The following ASTN2 variants were observed in gnomAD, a reference collection of about 807,000 sequenced individuals.
ASTN2 encodes the protein astrotactin 2, also known as astrotactin-2.
In ASTN2, 54 loss-of-function variants were observed where a neutral mutation model predicts 139.8. The observed-to-expected ratio is 0.39, with a 90% CI of 0.31 to 0.48. The LOEUF is 0.48. Ranked by LOEUF, ASTN2 falls within the 20% of genes least tolerant of loss-of-function variation. The probability of loss-of-function intolerance (pLI) is 0.95; values close to 1 mark genes in which losing one functional copy is unlikely to be tolerated. For missense variants in ASTN2, 1,565 were observed against 1,725.1 expected (o/e 0.91, Z 1.64); for synonymous variants, 756 against 719.5 (o/e 1.05, Z -0.81).
chr9:117,214,259 G>T, intron 3 of ASTN2, 99 bp downstream of exon 3: 1 of 1,430,686 alleles, frequency 7.0e-7, no homozygotes. Context: ...GCTTATCCCA[G>T]AAAACACTGC....
chr9:116,835,029 G>C (rs879256477), intron 11 of ASTN2, among the ~76,000 whole-genome samples: 1 of 152,090 alleles, frequency 6.6e-6, no homozygotes, highest in African/African-American at 2.4e-5. Flanking sequence ...AGACGACAGA[G>C]CAAAATGCTG....
intron 7 of ASTN2, among the ~76,000 whole-genome samples, chr9:116,986,086 C>T (rs1836669818): frequency 6.6e-6 from 1 of 152,084 alleles, no homozygotes; most frequent in South Asian, 2.1e-4. Flanking sequence ...GTGTAGGCAG[C>T]ACTTGGTATG....
intron 13 of ASTN2, among the ~76,000 whole-genome samples, chr9:116,804,822 A>G (rs1830987836): frequency 6.6e-6 from 1 of 152,046 alleles, no homozygotes; most frequent in South Asian, 2.1e-4. Context: ...CATGGTTAAA[A>G]GTATAATGTG....
chr9:116,899,936 C>T (rs1398913816), intron 10 of ASTN2, among the ~76,000 whole-genome samples: 2 of 152,120 alleles, frequency 1.3e-5, no homozygotes, highest in African/African-American at 4.8e-5. Flanking sequence ...GTGGCCCCCA[C>T]CTAGGAACTG....
chr9:116,453,037 C>T (rs1219471521), intron 20 of ASTN2, among the ~76,000 whole-genome samples: 1 of 152,026 alleles, frequency 6.6e-6, no homozygotes, highest in Non-Finnish European at 1.5e-5. Context: ...TACTCTTGGC[C>T]ATTAAGTTAG....
At chr9:116,608,626 T>C (rs1855344532) in intron 19 of ASTN2, among the ~76,000 whole-genome samples, 1 of 152,042 alleles carries the variant, frequency 6.6e-6, no homozygotes, top group Non-Finnish European at 1.5e-5. Context: ...ACAAAAGAGT[T>C]TGAACAAAAT....
At chr9:116,528,356 T>C (rs572656714) in intron 19 of ASTN2, among the ~76,000 whole-genome samples, 7 of 152,328 alleles carry the variant, frequency 4.6e-5, no homozygotes, top group Non-Finnish European at 1.0e-4. Flanking sequence ...ATTTAGGTTA[T>C]CTGGCAGAAA....
In ASTN2 at chr9:117,291,461, C is replaced by A; in HGVS notation, c.495G>T (p.Trp165Cys). The change falls in exon 2 of 23, where the codon TGG becomes TGT. Residue 165 changes from tryptophan (W) to cysteine (C), a missense_variant. By Grantham distance (215) the Trp-to-Cys change is radical. Coordinates refer to ENST00000313400, the MANE Select transcript of ASTN2 (RefSeq NM_001365068.1). ...GGAAGTACAAGGTGCCATTCTCCAG[C>A]CACTGCTGTCTCCAGTGCACCAGCG... ...DISLVHWRQQ[W>C]LENGTLYFHV... 1 of 1,613,968 alleles carries A rather than the reference C, an allele frequency of 6.2e-7. No individual in the cohort carries two copies. Among genetic ancestry groups the A allele is most frequent in the Non-Finnish European group, 8.5e-7 (1 of 1,179,902 alleles).
intron 1 of ASTN2, among the ~76,000 whole-genome samples, chr9:117,363,381 T>C (rs1829746874): frequency 6.6e-6 from 1 of 152,180 alleles, no homozygotes; most frequent in East Asian, 1.9e-4. Flanking sequence ...CAAATTGGCA[T>C]CATTAGTCCC....
At chr9:116,728,331 G>C (rs1353696384) in intron 15 of ASTN2, among the ~76,000 whole-genome samples, 1 of 152,028 alleles carries the variant, frequency 6.6e-6, no homozygotes, top group African/African-American at 2.4e-5. Context: ...GAGTTGTTTT[G>C]AGGGGAATGG....
intron 7 of ASTN2, among the ~76,000 whole-genome samples, chr9:116,985,884 G>A (rs1054547653): frequency 6.6e-6 from 1 of 152,182 alleles, no homozygotes; most frequent in African/African-American, 2.4e-5. Context: ...ATGGAGAGCA[G>A]AGGGACACAG....
chr9:116,474,234 A>G (rs922193423), intron 20 of ASTN2, among the ~76,000 whole-genome samples: 4 of 152,204 alleles, frequency 2.6e-5, no homozygotes, highest in African/African-American at 9.6e-5. Context: ...GGTAGGCTAT[A>G]ACGGAGGTGA....
intron 10 of ASTN2, among the ~76,000 whole-genome samples, chr9:116,905,735 C>T (rs893355543): frequency 4.6e-5 from 7 of 151,998 alleles, no homozygotes; most frequent in Non-Finnish European, 8.8e-5. Flanking sequence ...AGGTGAGGCT[C>T]AAATTTAGAT....
At chr9:117,060,442 G>GAGAGAGAA (rs1554774103) in intron 5 of ASTN2, among the ~76,000 whole-genome samples, 1 of 53,966 alleles carries the variant, frequency 1.9e-5, no homozygotes, top group Non-Finnish European at 3.3e-5. Context: ...AAGAGAGAGA[G>GAGAGAGAA]AGAAAGAAAG....
chr9:116,898,948 T>C (rs1218854607), intron 10 of ASTN2, among the ~76,000 whole-genome samples: 2 of 152,200 alleles, frequency 1.3e-5, no homozygotes, highest in Non-Finnish European at 2.9e-5. Context: ...AATGCTGGGA[T>C]TTCAGGCATG....
chr9:117,373,480 T>C (rs1293094830), intron 1 of ASTN2, among the ~76,000 whole-genome samples: 1 of 152,184 alleles, frequency 6.6e-6, no homozygotes. Flanking sequence ...AGTAGAAAAC[T>C]TCAAGGTCAA....
At chr9:117,128,474 T>TTGAC (rs1379890066) in intron 4 of ASTN2, among the ~76,000 whole-genome samples, 1 of 147,872 alleles carries the variant, frequency 6.8e-6, no homozygotes, top group Non-Finnish European at 1.5e-5. Context: ...ATAAGGGCAA[T>TTGAC]TGGGGAGGTT....
chr9:116,536,808 C>G (rs2119324251), intron 19 of ASTN2, among the ~76,000 whole-genome samples: 1 of 152,306 alleles, frequency 6.6e-6, no homozygotes, highest in Non-Finnish European at 1.5e-5. Context: ...GGGTCAGGGA[C>G]CCACTTGAGG....
chr9:116,701,597 A>G (rs1861170900), intron 16 of ASTN2, among the ~76,000 whole-genome samples: 1 of 152,188 alleles, frequency 6.6e-6, no homozygotes, highest in Non-Finnish European at 1.5e-5. Context: ...TGAGGCCAGG[A>G]ATCCTCCAGC....
Sources: allele counts gnomAD v4.1 joint callset (sites outside exome capture counted in the v4.1 genomes callset), GRCh38; gene constraint gnomAD v4.1.1; transcripts MANE v1.5; gene names NCBI Gene and HGNC (gene_info 2026-07-23, HGNC 2026-07-21).